Variants in OVOL2 observed in about 807,000 individuals in gnomAD.
OVOL2 encodes transcription factor Ovo-like 2.
In OVOL2, 13 loss-of-function variants were observed where a neutral mutation model predicts 18.1. That is an observed-to-expected ratio of 0.72 (90% confidence interval 0.47 to 1.14). The LOEUF (loss-of-function observed/expected upper bound fraction) is 1.14, where lower values mean the gene tolerates loss of function less well. Among genes scored for constraint, OVOL2 ranks in the 50% most tolerant of loss-of-function variants. The pLI is 0.00. For synonymous variants in OVOL2, 166 were observed against 162.7 expected (o/e 1.02, Z -0.16); for missense variants, 335 against 383.0 (o/e 0.87, Z 1.05).
intron 3 of OVOL2, among the ~76,000 whole-genome samples, chr20:18,035,112 T>A (rs894202754): frequency 6.6e-6 from 1 of 152,196 alleles, no homozygotes; most frequent in East Asian, 1.9e-4. Flanking sequence ...CATTTACTTA[T>A]AAGAACCAAT....
intron 3 of OVOL2, among the ~76,000 whole-genome samples, chr20:18,031,652 C>G (rs1222693279): frequency 6.6e-6 from 1 of 152,114 alleles, no homozygotes; most frequent in African/African-American, 2.4e-5. Flanking sequence ...TTAAACTGTA[C>G]CTATATGTAT....
chr20:18,037,021 A>G (rs756447424), intron 3 of OVOL2, among the ~76,000 whole-genome samples: 1 of 151,688 alleles, frequency 6.6e-6, no homozygotes, highest in East Asian at 1.9e-4. Context: ...CTGTAGTCCC[A>G]GCTACTCGGG....
rs1271482877 is a variant in OVOL2, at chr20:18,057,084, C to T, written c.101-207G>A. Among the ~76,000 whole-genome samples the T allele has an allele frequency of 6.6e-6, 1 of 152,198 alleles. No homozygotes were observed. The highest frequency in any genetic ancestry group is 2.4e-5 in the African/African-American group (1 of 41,466). ...GCTCGGAGCCTCTTTCCGGTCCCAG[C>T]CAAGGCGCCCACGAGGAACCGGGCG... On this transcript the variant is annotated intron_variant, in intron 1 of 3. Coordinates refer to ENST00000278780, the MANE Select transcript of OVOL2 (RefSeq NM_021220.4). This position sits in a 1 kb window ranked among gnomAD's most constrained non-coding sequence, Gnocchi z 6.3.
chr20:18,057,451 C>T lies in OVOL2; in HGVS notation c.100+84G>A. Reference sequence around the variant, plus strand: ...AGGGGGATGAGGTGGGGAGCCCGCCCCTGCCGATGAGCAGAGAAGACCCGC... The same window carrying T: ...AGGGGGATGAGGTGGGGAGCCCGCCTCTGCCGATGAGCAGAGAAGACCCGC... On this transcript the variant is annotated intron_variant, in intron 1 of 3. Transcript: ENST00000278780. The surrounding 1 kb of genome is among the most constrained non-coding windows in gnomAD (Gnocchi z 6.3). The T allele has an allele frequency of 6.8e-7, 1 of 1,463,098 alleles. No homozygotes were observed. Among genetic ancestry groups the T allele is most frequent in the Non-Finnish European group, 9.2e-7 (1 of 1,083,434 alleles). The allele number at this position is 1,463,098 out of a possible 1,614,324, so 90.6% of individuals were successfully genotyped here. A position where few individuals can be genotyped will look rare whatever the true frequency, so the allele number is the denominator to read the frequency against.
upstream of OVOL2, chr20:18,057,945 C>T: frequency 1.7e-6 from 2 of 1,157,270 alleles, no homozygotes; most frequent in Non-Finnish European, 2.2e-6. This position sits in a 1 kb window ranked among gnomAD's most constrained non-coding sequence, Gnocchi z 6.3. Context: ...TGCAACATAA[C>T]GGTGTCAACA....
chr20:18,051,497 C>A (rs1187370150), intron 2 of OVOL2, among the ~76,000 whole-genome samples: 1 of 152,082 alleles, frequency 6.6e-6, no homozygotes, highest in African/African-American at 2.4e-5. Flanking sequence ...GCATCAACAG[C>A]TGCTAACATC....
chr20:18,053,127 C>G (rs983180507), intron 2 of OVOL2, among the ~76,000 whole-genome samples: 1 of 152,198 alleles, frequency 6.6e-6, no homozygotes, highest in Non-Finnish European at 1.5e-5. Context: ...ATCTGCACCT[C>G]GGACTCCTTT....
intron 2 of OVOL2, among the ~76,000 whole-genome samples, chr20:18,045,476 G>A (rs183367313): frequency 6.6e-6 from 1 of 152,270 alleles, no homozygotes; most frequent in East Asian, 1.9e-4. Flanking sequence ...CAATACAGAT[G>A]CCTTCTATTG....
chr20:18,029,895 A>C lies in OVOL2; in HGVS notation c.512-4943T>G, dbSNP rs114720247. On this transcript the variant is annotated intron_variant, in intron 3 of 3. Coordinates refer to ENST00000278780, the MANE Select transcript of OVOL2 (RefSeq NM_021220.4). ...TCAGGAGGCTAAGGTGGGAGAGATCACTGGAACCCAGGAATTCAAGGCTAC... is the reference window on the plus strand; with the variant it reads ...TCAGGAGGCTAAGGTGGGAGAGATCCCTGGAACCCAGGAATTCAAGGCTAC... 8.1e-3 allele frequency among the ~76,000 whole-genome samples: 1,233 copies of C among 152,196 alleles called. 17 individuals are homozygous for C. Among genetic ancestry groups the C allele is most frequent in the African/African-American group, 0.027 (1,137 of 41,526 alleles).
chr20:18,049,794 G>T (rs1316053413), intron 2 of OVOL2, among the ~76,000 whole-genome samples: 1 of 152,134 alleles, frequency 6.6e-6, no homozygotes, highest in Non-Finnish European at 1.5e-5. Context: ...CTCAGGACAG[G>T]CCCACAGGTC....
At chr20:18,047,964 G>A (rs908612661) in intron 2 of OVOL2, among the ~76,000 whole-genome samples, 9 of 151,564 alleles carry the variant, frequency 5.9e-5, no homozygotes, top group African/African-American at 2.2e-4. Flanking sequence ...AAAATTCTGT[G>A]GTCCTAAACA....
intron 2 of OVOL2, among the ~76,000 whole-genome samples, chr20:18,052,441 T>C (rs1254732708): frequency 6.6e-6 from 1 of 152,176 alleles, no homozygotes; most frequent in African/African-American, 2.4e-5. Flanking sequence ...CTGAACTATT[T>C]ATGGTTGAAA....
At position 18,056,753 on chromosome 20, in the gene OVOL2, G is replaced by A; in HGVS notation, c.225C>T (p.His75=). The A allele has an allele frequency of 1.3e-6, 2 of 1,495,204 alleles. No individual in the cohort carries two copies. Among genetic ancestry groups the A allele is most frequent in the Non-Finnish European group, 1.8e-6 (2 of 1,129,846 alleles). 92.6% of individuals were successfully genotyped at this position (1,495,204 alleles called of 1,614,324 possible). ...GCTCGGGGGTTTCGCTCTCGGGGGC[G>A]TGCGGGGACGAGCTGCTCTCTGCTC... ...PGGAESSSSP[H]APESETPEPG... The change falls in exon 2 of 4, where the codon CAC becomes CAT. Residue 75 remains histidine, a synonymous_variant. Transcript: ENST00000278780. This position sits in a 1 kb window ranked among gnomAD's most constrained non-coding sequence, Gnocchi z 4.2.
Position 18,055,209 on chromosome 20 carries a change from G to A in OVOL2, c.321+1448C>T, listed in dbSNP as rs6034948. ...GCAGAAGAGTTTGCCTAAAATATTTGTTAAGAGACTGGATGAGAATCTGTC... is the reference window on the plus strand; with the variant it reads ...GCAGAAGAGTTTGCCTAAAATATTTATTAAGAGACTGGATGAGAATCTGTC... On this transcript the variant is annotated intron_variant, in intron 2 of 3. Transcript: ENST00000278780. Among the ~76,000 whole-genome samples the A allele has an allele frequency of 7.2e-3, 1,094 of 152,252 alleles. 11 individuals are homozygous for A. The highest frequency in any genetic ancestry group is 0.025 in the African/African-American group (1,037 of 41,550).
Position 18,056,607 on chromosome 20 carries a change from G to A in OVOL2, c.321+50C>T, listed in dbSNP as rs762272814. 6.0e-6 allele frequency: 8 copies of A among 1,323,358 alleles called. No homozygotes were observed. In the South Asian group the frequency reaches 1.7e-4, roughly 29 times the overall value. The allele number at this position is 1,323,358 out of a possible 1,614,324, so 82.0% of individuals were successfully genotyped here. ...GGAGGGGCGCCGGCCTCGGGAGCCC[G>A]ACGCCAGGGCGTGGTGCAGGTGGCG... On this transcript the variant is annotated intron_variant, in intron 2 of 3. Coordinates refer to ENST00000278780, the MANE Select transcript of OVOL2 (RefSeq NM_021220.4). The surrounding 1 kb of genome is among the most constrained non-coding windows in gnomAD (Gnocchi z 4.2).
intron 3 of OVOL2, among the ~76,000 whole-genome samples, chr20:18,041,296 T>A (rs1378926713): frequency 7.1e-6 from 1 of 141,214 alleles, no homozygotes; most frequent in Non-Finnish European, 1.5e-5. Context: ...CCCAAGTAGC[T>A]GGGATTACAG....
rs528668724 is a variant in OVOL2, at chr20:18,056,448, C to A, written c.321+209G>T. ...GGAGCCCACTCCGGGAACCGGCCGC[C>A]CCTGCGCAGCAGCTACCCTGCGGGC... On this transcript the variant is annotated intron_variant, in intron 2 of 3. Transcript: ENST00000278780. This position sits in a 1 kb window ranked among gnomAD's most constrained non-coding sequence, Gnocchi z 4.2. Among the ~76,000 whole-genome samples, 1 of 152,080 alleles carries A rather than the reference C, an allele frequency of 6.6e-6. No individual in the cohort carries two copies. The highest frequency in any genetic ancestry group is 6.5e-5 in the Admixed American group (1 of 15,274).
Position 18,056,929 on chromosome 20 carries a change from C to A in OVOL2, c.101-52G>T. ...CACACACACTCGGCGTCAACCCGCA[C>A]GCCCGCGGCAGTTTGACCTGCGGGC... On this transcript the variant is annotated intron_variant, in intron 1 of 3. Transcript: ENST00000278780. This position sits in a 1 kb window ranked among gnomAD's most constrained non-coding sequence, Gnocchi z 4.2. 2 of 1,430,174 alleles carry A rather than the reference C, an allele frequency of 1.4e-6. No individual in the cohort carries two copies. Among genetic ancestry groups the A allele is most frequent in the Non-Finnish European group, 1.8e-6 (2 of 1,101,054 alleles). 88.6% of individuals were successfully genotyped at this position (1,430,174 alleles called of 1,614,324 possible). A position where few individuals can be genotyped will look rare whatever the true frequency, so the allele number is the denominator to read the frequency against.
chr20:18,057,620 G>A lies in OVOL2; in HGVS notation c.15C>T (p.Phe5=). The part of the protein sequence containing the change: MPKV[F]LVKRRSLGVS... ...CCCCCAGGCTCCTCCTCTTCACCAG[G>A]AAGACTTTGGGCATGGTGGGGTCCC... Residue 5 remains phenylalanine, a synonymous_variant, in exon 1 of 4, where the codon TTC becomes TTT. Coordinates refer to ENST00000278780, the MANE Select transcript of OVOL2 (RefSeq NM_021220.4). The surrounding 1 kb of genome is among the most constrained non-coding windows in gnomAD (Gnocchi z 6.3). 1 of 1,586,986 alleles carries A rather than the reference G, an allele frequency of 6.3e-7. No individual in the cohort carries two copies. The highest frequency in any genetic ancestry group is 8.6e-7 in the Non-Finnish European group (1 of 1,166,184).
Sources: allele counts gnomAD v4.1 joint callset (sites outside exome capture counted in the v4.1 genomes callset), GRCh38; gene constraint gnomAD v4.1.1; non-coding constraint Gnocchi (gnomAD v3.1); transcripts MANE v1.5; gene names NCBI Gene and HGNC (gene_info 2026-07-23, HGNC 2026-07-21).